The following RCL1 variants were observed in gnomAD, a reference collection of about 807,000 sequenced individuals.
RCL1 encodes RNA terminal phosphate cyclase like 1, also known as RNA 3'-terminal phosphate cyclase-like protein.
A neutral mutation model predicts 42.4 loss-of-function variants in RCL1; 24 were observed. That is an observed-to-expected ratio of 0.57 (90% CI 0.41 to 0.80). RCL1 has a LOEUF of 0.80. Among genes scored for constraint, RCL1 ranks in the 30% least tolerant of loss-of-function variants. RCL1 has a pLI of 0.00. For missense variants in RCL1, 578 were observed against 467.9 expected (o/e 1.24, Z -2.17); for synonymous variants, 228 against 177.3 (o/e 1.29, Z -2.27).
Position 4,815,807 on chromosome 9 carries a change from G to C in RCL1, c.137-7741G>C, listed in dbSNP as rs971399016. 2.2e-4 allele frequency among the ~76,000 whole-genome samples: 34 copies of C among 152,192 alleles called. 1 individual carries two copies. Among genetic ancestry groups the C allele is most frequent in the Non-Finnish European group, 2.5e-4 (17 of 68,026 alleles). On this transcript the variant is annotated intron_variant, in intron 1 of 8. Transcript: ENST00000381750. The stretch of plus-strand genomic sequence containing the variant: ...ACTCCAGGCAGCTTAGGCCTATGAG[G>C]ACTGCAGGGTTCCTCAGTGGTGAGG...
At chr9:4,820,211 T>A (rs1015479476) in intron 1 of RCL1, among the ~76,000 whole-genome samples, 1 of 152,190 alleles carries the variant, frequency 6.6e-6, no homozygotes, top group Non-Finnish European at 1.5e-5. Flanking sequence ...CCAGGAGCAG[T>A]CTTGAAGAAG....
chr9:4,806,032 G>GTGTGTGTGTT (rs1378578173), intron 1 of RCL1, among the ~76,000 whole-genome samples: 16 of 141,684 alleles, frequency 1.1e-4, no homozygotes, highest in Non-Finnish European at 1.8e-4. Context: ...GTGTGTGTGT[G>GTGTGTGTGTT]TGTGTGTGTG....
At chr9:4,849,035 A>C (rs2129703300) in intron 7 of RCL1, among the ~76,000 whole-genome samples, 1 of 152,220 alleles carries the variant, frequency 6.6e-6, no homozygotes, top group Admixed American at 6.5e-5. Context: ...TTCAATAAAT[A>C]TGAGCGTCAT....
At chr9:4,854,455 G>A (rs1051641056) in intron 8 of RCL1, among the ~76,000 whole-genome samples, 1 of 152,150 alleles carries the variant, frequency 6.6e-6, no homozygotes, top group Non-Finnish European at 1.5e-5. Context: ...TGAGATGTAG[G>A]TACCCCCAGC....
At chr9:4,808,292 C>G (rs936211670) in intron 1 of RCL1, among the ~76,000 whole-genome samples, 4 of 152,150 alleles carry the variant, frequency 2.6e-5, no homozygotes, top group South Asian at 2.1e-4. Flanking sequence ...ATCACTCTGT[C>G]TCTAGTATTT....
At chr9:4,816,971 C>G (rs1384074917) in intron 1 of RCL1, among the ~76,000 whole-genome samples, 4 of 152,232 alleles carry the variant, frequency 2.6e-5, no homozygotes, top group African/African-American at 9.6e-5. Flanking sequence ...CACTTGCCAC[C>G]ATGCCCAGCT....
At chr9:4,848,373 G>A (rs1045302860) in intron 7 of RCL1, among the ~76,000 whole-genome samples, 5 of 152,188 alleles carry the variant, frequency 3.3e-5, no homozygotes, top group Non-Finnish European at 5.9e-5. Context: ...GCTACTAAAT[G>A]ATATCTGACA....
In RCL1 at chr9:4,841,280, T is replaced by A. The variant is rs1368979208; in HGVS notation, c.633T>A (p.Ser211=). Residue 211 remains serine (S), a synonymous_variant, in exon 6 of 9, where the codon TCT becomes TCA. Coordinates refer to ENST00000381750, the MANE Select transcript of RCL1 (RefSeq NM_005772.5). ...AGATGGCGAACCGGATTGTGGATTC[T>A]GCAAGGAGCATCCTCAACAAGTTCA... ...SPQMANRIVD[S]ARSILNKFIP... 6.2e-7 allele frequency: 1 copy of A among 1,613,322 alleles called. No individual in the cohort carries two copies. The highest frequency in any genetic ancestry group is 8.5e-7 in the Non-Finnish European group (1 of 1,179,348).
At chr9:4,807,718 C>T (rs928487459) in intron 1 of RCL1, among the ~76,000 whole-genome samples, 5 of 152,070 alleles carry the variant, frequency 3.3e-5, no homozygotes, top group South Asian at 4.1e-4. Flanking sequence ...AGGGTTTCTC[C>T]GTGTTGGTCA....
At chr9:4,824,692 G>T (rs1816702715) in intron 2 of RCL1, among the ~76,000 whole-genome samples, 1 of 152,060 alleles carries the variant, frequency 6.6e-6, no homozygotes, top group African/African-American at 2.4e-5. Flanking sequence ...GCTCTCTTAA[G>T]GCAAGCTTGG....
At chr9:4,847,132 G>T (rs1050614845) in intron 7 of RCL1, among the ~76,000 whole-genome samples, 3 of 152,100 alleles carry the variant, frequency 2.0e-5, no homozygotes, top group Non-Finnish European at 2.9e-5. Context: ...ACCCGCCTCG[G>T]CCTCCCAAAG....
chr9:4,840,760 A>T (rs1487540539), intron 5 of RCL1, among the ~76,000 whole-genome samples: 2 of 152,142 alleles, frequency 1.3e-5, no homozygotes, highest in Non-Finnish European at 2.9e-5. Flanking sequence ...CAGGAGTCAG[A>T]TTGGGATCGC....
intron 1 of RCL1, among the ~76,000 whole-genome samples, chr9:4,795,812 A>G (rs887160720): frequency 1.3e-5 from 2 of 152,194 alleles, no homozygotes; most frequent in Non-Finnish European, 2.9e-5. Context: ...ATTGAGCCAC[A>G]GTATGTGCAA....
At chr9:4,857,378 C>A (rs761424983) in intron 8 of RCL1, among the ~76,000 whole-genome samples, 2 of 151,984 alleles carry the variant, frequency 1.3e-5, no homozygotes, top group Non-Finnish European at 2.9e-5. Context: ...TCCTTTGTGA[C>A]TGGATTCTTT....
At chr9:4,828,999 T>C (rs1221027488) in intron 3 of RCL1, among the ~76,000 whole-genome samples, 1 of 152,230 alleles carries the variant, frequency 6.6e-6, no homozygotes, top group Non-Finnish European at 1.5e-5. Flanking sequence ...CTTCTTCTTT[T>C]CTTTGTGGTT....
chr9:4,854,408 A>G, intron 8 of RCL1, among the ~76,000 whole-genome samples: 1 of 152,168 alleles, frequency 6.6e-6, no homozygotes, highest in Admixed American at 6.5e-5. Context: ...TTATCTCCAG[A>G]TCTTTTCCCT....
intron 7 of RCL1, among the ~76,000 whole-genome samples, chr9:4,846,289 T>G (rs1392005670): frequency 1.3e-5 from 2 of 152,198 alleles, no homozygotes; most frequent in Non-Finnish European, 2.9e-5. Context: ...ACCTATAGTT[T>G]TATTTTCAGG....
chr9:4,827,774 G>GTA (rs1273750406), intron 3 of RCL1, among the ~76,000 whole-genome samples: 1 of 151,204 alleles, frequency 6.6e-6, no homozygotes, highest in Non-Finnish European at 1.5e-5. Context: ...GTGTGTGTGT[G>GTA]TGTGTGAGAG....
At chr9:4,856,284 A>AG (rs1464114569) in intron 8 of RCL1, among the ~76,000 whole-genome samples, 4 of 152,242 alleles carry the variant, frequency 2.6e-5, no homozygotes, top group African/African-American at 9.6e-5. Context: ...TTAGTAAGAC[A>AG]GGAAAGCCAG....
Sources: gnomAD v4.1 joint callset for allele counts (sites outside exome capture counted in the v4.1 genomes callset) on GRCh38, gnomAD v4.1.1 for gene constraint, MANE v1.5 for transcripts, NCBI Gene and HGNC (gene_info 2026-07-23, HGNC 2026-07-21) for gene names.